ING5: variants seen among roughly 807,000 people sequenced by gnomAD.
ING5 encodes the protein inhibitor of growth family member 5.
Under a neutral mutation model 37.4 loss-of-function variants are expected in ING5, and 17 were observed. That is an observed-to-expected ratio of 0.45 (90% CI 0.31 to 0.68). The LOEUF is 0.68. Ranked by LOEUF, ING5 falls within the 30% of genes least tolerant of loss-of-function variation. The pLI is 0.05. For synonymous variants in ING5, 123 were observed against 116.6 expected (o/e 1.06, Z -0.36); for missense variants, 233 against 311.9 (o/e 0.75, Z 1.91).
intron 5 of ING5, among the ~76,000 whole-genome samples, chr2:241,715,256 A>G (rs934211517): frequency 4.6e-5 from 7 of 151,858 alleles, no homozygotes; most frequent in African/African-American, 1.5e-4. Flanking sequence ...GTGTAGTGGC[A>G]TGATCCTGGC....
chr2:241,723,922 A>G (rs1575142247), intron 7 of ING5: 1 of 1,305,696 alleles, frequency 7.7e-7, no homozygotes, highest in East Asian at 2.4e-5. Context: ...AGGCGGGAGG[A>G]TGGCTTGAGC....
intron 3 of ING5, among the ~76,000 whole-genome samples, chr2:241,710,420 A>G (rs1224366701): frequency 6.6e-6 from 1 of 151,986 alleles, no homozygotes; most frequent in Admixed American, 6.6e-5. Context: ...CTCCTGCCTC[A>G]GCCTCCTAAG....
rs1412627416 is a variant in ING5, at chr2:241,709,398, G to A, written c.276+16G>A. 1.2e-6 allele frequency: 2 copies of A among 1,604,454 alleles called. No homozygotes were observed. The highest frequency in any genetic ancestry group is 1.7e-5 in the Admixed American group (1 of 58,632). On this transcript the variant is annotated intron_variant, in intron 3 of 7. Transcript: ENST00000313552. ...CTACGAGATGGTGAGGGCGGGGCGG[G>A]GGCCATGGCTCTTCCTCTGACCTCT...
At chr2:241,697,749 T>TG (rs377488661), upstream of ING5, among the ~76,000 whole-genome samples, 6 of 151,950 alleles carry the variant, frequency 3.9e-5, no homozygotes, top group African/African-American at 1.4e-4. Flanking sequence ...TGACATGTAA[T>TG]GGGGGGTAGC....
upstream of ING5, among the ~76,000 whole-genome samples, chr2:241,697,686 AG>A (rs987107124): frequency 3.1e-4 from 47 of 152,088 alleles, no homozygotes; most frequent in African/African-American, 1.1e-3. Flanking sequence ...GGAGGGGGAG[AG>A]GGATGAATCG....
chr2:241,691,126 T>C (rs942196737), intron 2 of ING5, among the ~76,000 whole-genome samples: 2 of 151,662 alleles, frequency 1.3e-5, no homozygotes, highest in Admixed American at 6.6e-5. Flanking sequence ...TCTGCTTTCT[T>C]GTGTTTGAGA....
intron 5 of ING5, among the ~76,000 whole-genome samples, chr2:241,712,700 C>T (rs113038941): frequency 0.027 from 4,038 of 152,150 alleles, 233 homozygotes; most frequent in East Asian, 0.21. Flanking sequence ...GCCACGAAGC[C>T]TCTGTGGAGA....
chr2:241,721,603 C>G (rs2070438187), intron 5 of ING5: 8 of 985,302 alleles, frequency 8.1e-6, no homozygotes, highest in South Asian at 4.7e-5. Flanking sequence ...TTGGCTTTCC[C>G]TGATCGTGAC....
intron 2 of ING5, among the ~76,000 whole-genome samples, chr2:241,707,843 AAC>A (rs1372485020): frequency 6.6e-6 from 1 of 152,030 alleles, no homozygotes; most frequent in African/African-American, 2.4e-5. Context: ...ACCCCTCCCC[AAC>A]CAAGGGGTGA....
chr2:241,724,121 C>T (rs997771990), intron 7 of ING5: 1 of 1,187,606 alleles, frequency 8.4e-7, no homozygotes, highest in Non-Finnish European at 1.1e-6. Context: ...CTGTGTGGCA[C>T]TCAGAGGTCA....
At chr2:241,688,791 T>A (rs1395943832) in intron 1 of ING5, among the ~76,000 whole-genome samples, 4 of 151,306 alleles carry the variant, frequency 2.6e-5, no homozygotes, top group Non-Finnish European at 5.9e-5. Context: ...GCCCGGCTAA[T>A]TTTTGTATTT....
chr2:241,687,794 G>A (rs2069469727), exon 1 of ING5: 1 of 155,034 alleles, frequency 6.5e-6, no homozygotes. Flanking sequence ...AGAGTGCTGG[G>A]ATTACAGGCG....
chr2:241,703,201 C>G (rs868855739), intron 1 of ING5, among the ~76,000 whole-genome samples: 1 of 152,172 alleles, frequency 6.6e-6, no homozygotes, highest in Non-Finnish European at 1.5e-5. Context: ...TTGTGTGTGT[C>G]TGGGAGGCTG....
chr2:241,709,421 T>A (rs569785227), intron 3 of ING5, 39 bp downstream of exon 3: 2 of 1,559,420 alleles, frequency 1.3e-6, no homozygotes, highest in South Asian at 1.2e-5. Context: ...TCCTCTGACC[T>A]CTACTCCTGC....
At chr2:241,714,140 C>T (rs1183095761) in intron 5 of ING5, among the ~76,000 whole-genome samples, 1 of 152,132 alleles carries the variant, frequency 6.6e-6, no homozygotes, top group African/African-American at 2.4e-5. Context: ...TGCTGGAAGG[C>T]CTTCCATATG....
exon 1 of ING5, chr2:241,687,747 TTGATCTGACCTCG>T: frequency 6.2e-6 from 1 of 161,040 alleles, no homozygotes; most frequent in East Asian, 1.7e-4. Flanking sequence ...CAGGATGGTC[TTGATCTGACCTCG>T]TGATCTGCCC....
upstream of ING5, among the ~76,000 whole-genome samples, chr2:241,700,141 C>A (rs1390360814): frequency 6.8e-6 from 1 of 146,234 alleles, no homozygotes; most frequent in Non-Finnish European, 1.5e-5. Flanking sequence ...AGCCATTATG[C>A]CCGGCTAAGT....
intron 5 of ING5, chr2:241,720,278 A>G: frequency 8.1e-7 from 1 of 1,229,162 alleles, no homozygotes; most frequent in Non-Finnish European, 1.0e-6. Flanking sequence ...CACAGTGGGT[A>G]TTCACGCCCC....
At chr2:241,724,617 TGA>T (rs1691534541) in intron 7 of ING5, 1 of 269,310 alleles carries the variant, frequency 3.7e-6, no homozygotes, top group Admixed American at 4.9e-5. Flanking sequence ...TCCGTGGGCC[TGA>T]GGGGCTGCCA....
Sources: allele counts gnomAD v4.1 joint callset (sites outside exome capture counted in the v4.1 genomes callset), GRCh38; gene constraint gnomAD v4.1.1; transcripts MANE v1.5; gene names NCBI Gene and HGNC (gene_info 2026-07-23, HGNC 2026-07-21).